ATP11C: variants seen among roughly 807,000 people sequenced by gnomAD.
ATP11C encodes ATPase phospholipid transporting 11C (ATP11C blood group), also known as phospholipid-transporting ATPase IG.
Under a neutral mutation model 97.4 loss-of-function variants are expected in ATP11C, and 36 were observed. The ratio of observed to expected loss-of-function variants is 0.37; its 90% CI spans 0.28 to 0.49. ATP11C has a LOEUF of 0.49. Ranked by LOEUF, ATP11C falls within the 20% of genes least tolerant of loss-of-function variation. The pLI is 0.98. For synonymous variants in ATP11C, 275 were observed against 290.9 expected, an observed-to-expected ratio of 0.95 and a Z score of 0.56; for missense variants, 730 against 824.6, an observed-to-expected ratio of 0.89 and a Z score of 1.40.
chrX:139,781,797 A>G (rs905381001), intron 18 of ATP11C, among the ~76,000 whole-genome samples: 8 of 112,126 alleles, frequency 7.1e-5, no homozygotes, highest in Non-Finnish European at 1.5e-4. Flanking sequence ...GAACCAGGTT[A>G]GATTAAGCTC....
chrX:139,890,639 T>C (rs1177027944), intron 1 of ATP11C, among the ~76,000 whole-genome samples: 1 of 112,060 alleles, frequency 8.9e-6, no homozygotes, highest in Non-Finnish European at 1.9e-5. Flanking sequence ...ATTCACTCAT[T>C]CCTTCATCTA....
chrX:139,829,251 G>A (rs932411145), intron 1 of ATP11C, among the ~76,000 whole-genome samples: 1 of 111,497 alleles, frequency 9.0e-6, no homozygotes, highest in African/African-American at 3.3e-5. Context: ...CTGGGGGTGG[G>A]GTAGTATGAA....
chrX:139,737,737 C>A, intron 28 of ATP11C, 179 bp downstream of exon 28: 1 of 540,032 alleles, frequency 1.9e-6, no homozygotes, highest in South Asian at 2.5e-5. Flanking sequence ...TTACCACCTG[C>A]ATTGGATAAC....
intron 28 of ATP11C, among the ~76,000 whole-genome samples, chrX:139,737,083 G>A (rs1337701045): frequency 1.8e-5 from 2 of 110,536 alleles, no homozygotes; most frequent in African/African-American, 6.6e-5. Flanking sequence ...CCTTGGAGGT[G>A]CTACAAGATC....
intron 27 of ATP11C, 24 bp downstream of exon 27, chrX:139,740,967 G>A: frequency 1.0e-6 from 1 of 989,326 alleles, no homozygotes; most frequent in South Asian, 1.9e-5. Context: ...TTTACATATT[G>A]CTCACACATG....
In ATP11C at chrX:139,890,935, T is replaced by TGTTG. The variant is rs377185680; in HGVS notation, c.27+41080_27+41081insCAAC. Reference sequence around the variant, plus strand: ...CACTCCAGGCAGTGGGAACAGCACATGCAACAGAAGTACAAGTAAGCACAG... The same window carrying TGTTG: ...CACTCCAGGCAGTGGGAACAGCACATGTTGGCAACAGAAGTACAAGTAAGCACAG... On this transcript the variant is annotated intron_variant, in intron 1 of 29. Coordinates refer to ENST00000682941, the MANE Select transcript of ATP11C (RefSeq NM_001353812.2). Among the ~76,000 whole-genome samples, 889 of 111,334 alleles carry TGTTG rather than the reference T, an allele frequency of 8.0e-3. 7 individuals are homozygous for TGTTG. Among genetic ancestry groups the TGTTG allele is most frequent in the African/African-American group, 0.028 (851 of 30,613 alleles).
At chrX:139,822,812 AC>A (rs1440831322) in intron 2 of ATP11C, among the ~76,000 whole-genome samples, 5 of 109,807 alleles carry the variant, frequency 4.6e-5, no homozygotes, top group Non-Finnish European at 1.9e-5. Flanking sequence ...TGCTGGCATT[AC>A]AGGTGTGAGC....
chrX:139,737,578 G>A (rs1807683759), intron 28 of ATP11C, among the ~76,000 whole-genome samples: 1 of 111,385 alleles, frequency 9.0e-6, no homozygotes. Flanking sequence ...AGTTTAAAGC[G>A]AAAATGTTGG....
At chrX:139,802,742 A>T (rs1887557817) in intron 6 of ATP11C, among the ~76,000 whole-genome samples, 1 of 111,992 alleles carries the variant, frequency 8.9e-6, no homozygotes, top group Non-Finnish European at 1.9e-5. Flanking sequence ...ACACATATGA[A>T]TTGAACATAA....
At chrX:139,933,326 C>T (rs1453333686), upstream of ATP11C, among the ~76,000 whole-genome samples, 1 of 111,856 alleles carries the variant, frequency 8.9e-6, no homozygotes, top group Non-Finnish European at 1.9e-5. Flanking sequence ...CGGTAGCCTT[C>T]CTAGCGGTGG....
At chrX:139,790,908 T>C (rs1226510997) in intron 12 of ATP11C, among the ~76,000 whole-genome samples, 5 of 111,692 alleles carry the variant, frequency 4.5e-5, no homozygotes, top group African/African-American at 1.6e-4. Flanking sequence ...TTTTGAGCAT[T>C]TCTATTTTAT....
At chrX:139,882,644 TC>T (rs748321481) in intron 1 of ATP11C, among the ~76,000 whole-genome samples, 1 of 110,558 alleles carries the variant, frequency 9.0e-6, no homozygotes, top group Non-Finnish European at 1.9e-5. Flanking sequence ...CTCTCCCCTA[TC>T]CCCCCTTCAC....
rs1244700494 is a variant in ATP11C, at chrX:139,727,976, C to T, written c.*990G>A. The T allele has an allele frequency of 8.9e-6, 1 of 112,460 alleles. No individual in the cohort carries two copies. Among genetic ancestry groups the T allele is most frequent in the African/African-American group, 3.2e-5 (1 of 30,902 alleles). The allele number at this position is 112,460 out of a possible 1,213,427, so 9.3% of individuals were successfully genotyped here. On this transcript the variant is annotated 3_prime_UTR_variant, in exon 30 of 30. Coordinates refer to ENST00000682941, the MANE Select transcript of ATP11C (RefSeq NM_001353812.2). Reference sequence around the variant, plus strand: ...AATTGGCCAAGTTTAAGAAAAAGCACTGCATATATGCATAAATGCAATCTC... The same window carrying T: ...AATTGGCCAAGTTTAAGAAAAAGCATTGCATATATGCATAAATGCAATCTC...
intron 1 of ATP11C, among the ~76,000 whole-genome samples, chrX:139,882,680 C>G (rs2084579418): frequency 9.0e-6 from 1 of 111,708 alleles, no homozygotes. Flanking sequence ...GCATGAAGGA[C>G]TAATGGCACT....
intron 1 of ATP11C, among the ~76,000 whole-genome samples, chrX:139,834,355 A>C (rs1240496476): frequency 2.7e-5 from 3 of 111,279 alleles, no homozygotes; most frequent in Non-Finnish European, 5.6e-5. Flanking sequence ...TAAAAATAGG[A>C]ATTCGTTTCT....
chrX:139,731,611 C>T (rs758494464), intron 29 of ATP11C, 40 bp downstream of exon 29: 16 of 904,031 alleles, frequency 1.8e-5, no homozygotes, highest in South Asian at 1.1e-4. Flanking sequence ...GCTGTTAATC[C>T]GATTTTTTAA....
At chrX:139,837,429 T>C (rs1003081943) in intron 1 of ATP11C, among the ~76,000 whole-genome samples, 6 of 112,112 alleles carry the variant, frequency 5.4e-5, no homozygotes, top group Non-Finnish European at 1.1e-4. Flanking sequence ...TTATGACTAG[T>C]ACTCAAAAAT....
chrX:139,801,052 C>T (rs1287775450), intron 7 of ATP11C, among the ~76,000 whole-genome samples: 1 of 112,064 alleles, frequency 8.9e-6, no homozygotes, highest in Non-Finnish European at 1.9e-5. Flanking sequence ...ACAAGGTATT[C>T]CGAAGTCACA....
Position 139,858,960 on chromosome X carries a change from T to A in ATP11C, c.28-32137A>T, listed in dbSNP as rs923475906. ...CACCCCCAAAAGAAACTCAACCGAG[T>A]ATACATGAGGAAGCACTGGTATTAG... On this transcript the variant is annotated intron_variant, in intron 1 of 29. Transcript: ENST00000682941. 5.3e-5 allele frequency among the ~76,000 whole-genome samples: 6 copies of A among 112,431 alleles called. No individual in the cohort carries two copies. In the Admixed American group the frequency reaches 5.7e-4, roughly 11 times the overall value.
Sources: allele counts gnomAD v4.1 joint callset (sites outside exome capture counted in the v4.1 genomes callset), GRCh38; gene constraint gnomAD v4.1.1; transcripts MANE v1.5; gene names NCBI Gene and HGNC (gene_info 2026-07-23, HGNC 2026-07-21).